CNOT6: variants seen among roughly 807,000 people sequenced by gnomAD.
CNOT6 encodes CCR4-NOT transcription complex subunit 6, also known as carbon catabolite repression 4 protein.
In CNOT6, 12 loss-of-function variants were observed where a neutral mutation model predicts 61.2. The ratio of observed to expected loss-of-function variants is 0.20; its 90% confidence interval spans 0.13 to 0.32. CNOT6 has a LOEUF of 0.32. CNOT6 is among the 10% of genes least tolerant of loss of function. The pLI is 1.00. For missense variants in CNOT6, 405 were observed against 663.9 expected, an observed-to-expected ratio of 0.61 and a Z score of 4.28; for synonymous variants, 225 against 240.6, an observed-to-expected ratio of 0.94 and a Z score of 0.60.
At chr5:180,511,580 C>T (rs1329583138) in intron 1 of CNOT6, among the ~76,000 whole-genome samples, 1 of 152,000 alleles carries the variant, frequency 6.6e-6, no homozygotes, top group Non-Finnish European at 1.5e-5. Context: ...CACTGCATTC[C>T]AGGCTGAGTG....
At position 180,550,472 on chromosome 5, in the gene CNOT6, C is replaced by G. The variant is rs574115997; in HGVS notation, c.299+355C>G. ...CTCAAAAAAAACAAAAACAAAAAAA[C>G]ATTTGTTGTGTTAGGAAACAAAACT... On this transcript the variant is annotated intron_variant, in intron 3 of 11. Coordinates refer to ENST00000261951, the MANE Select transcript of CNOT6 (RefSeq NM_001370472.1). Among the ~76,000 whole-genome samples, 103 of 151,966 alleles carry G rather than the reference C, an allele frequency of 6.8e-4. 1 individual carries two copies. Among genetic ancestry groups the G allele is most frequent in the Non-Finnish European group, 1.1e-3 (77 of 67,966 alleles).
chr5:180,515,735 G>A (rs566972834), intron 1 of CNOT6, among the ~76,000 whole-genome samples: 3 of 152,114 alleles, frequency 2.0e-5, no homozygotes, highest in African/African-American at 7.2e-5. Context: ...AAAAAAAAGG[G>A]GGTCTTTCTG....
At position 180,499,957 on chromosome 5, in the gene CNOT6, C is replaced by T. The variant is rs147727324; in HGVS notation, c.-3+5194C>T. Among the ~76,000 whole-genome samples the T allele has an allele frequency of 5.5e-3, 831 of 152,178 alleles. 11 individuals carry two copies. Among genetic ancestry groups the T allele is most frequent in the African/African-American group, 0.019 (779 of 41,498 alleles). Reference sequence around the variant, plus strand: ...TCATGTATTTCTACACAGTTCAGTTCGGCTGGGTGCAAGCTTTCTCCCTTC... The same window carrying T: ...TCATGTATTTCTACACAGTTCAGTTTGGCTGGGTGCAAGCTTTCTCCCTTC... On this transcript the variant is annotated intron_variant, in intron 1 of 11. Transcript: ENST00000261951.
chr5:180,531,741 G>A (rs1035229113), intron 2 of CNOT6, among the ~76,000 whole-genome samples: 7 of 152,238 alleles, frequency 4.6e-5, no homozygotes, highest in East Asian at 1.9e-4. Context: ...CCGGCACCTC[G>A]GGAGGCCGAG....
At chr5:180,513,930 C>G (rs1288935443) in intron 1 of CNOT6, among the ~76,000 whole-genome samples, 1 of 151,776 alleles carries the variant, frequency 6.6e-6, no homozygotes, top group African/African-American at 2.4e-5. Flanking sequence ...TCTCGATCTC[C>G]TGACCTCATG....
rs757061996 is a variant in CNOT6 at position 180,574,113 on chromosome 5, T to C, written c.1587T>C (p.Ser529=). 1 of 1,614,144 alleles carries C rather than the reference T, an allele frequency of 6.2e-7. No individual in the cohort carries two copies. Among genetic ancestry groups the C allele is most frequent in the South Asian group, 1.1e-5 (1 of 91,076 alleles). ...GCTGCCCGCACCCCCTCATCCCCTC[T>C]GACCACTTCTCACTTTTTGCACAAC... The part of the protein sequence containing the change: ...ISGCPHPLIP[S]DHFSLFAQLE... The change falls in exon 12 of 12, where the codon TCT becomes TCC. Residue 529 remains serine (S), a synonymous_variant. Transcript: ENST00000261951.
chr5:180,527,393 C>T (rs540727285), intron 1 of CNOT6, among the ~76,000 whole-genome samples: 7 of 152,200 alleles, frequency 4.6e-5, no homozygotes, highest in Admixed American at 3.9e-4. Context: ...CTGTATTCTG[C>T]GTCTGGATGT....
intron 10 of CNOT6, among the ~76,000 whole-genome samples, chr5:180,570,594 C>T (rs1760698961): frequency 6.6e-6 from 1 of 152,112 alleles, no homozygotes; most frequent in African/African-American, 2.4e-5. Flanking sequence ...CATTAATATC[C>T]AAGACCCATT....
intron 1 of CNOT6, among the ~76,000 whole-genome samples, chr5:180,529,033 A>G (rs1758224261): frequency 6.6e-6 from 1 of 151,718 alleles, no homozygotes; most frequent in Non-Finnish European, 1.5e-5. Context: ...ATATGGTGAA[A>G]CCCCGTCTGT....
chr5:180,558,962 T>C (rs34327222), intron 4 of CNOT6, among the ~76,000 whole-genome samples: 24,660 of 152,124 alleles, frequency 0.16, 2,140 homozygotes, highest in Non-Finnish European at 0.19. Flanking sequence ...TTAATATGAT[T>C]TCAGTGTGGT....
At chr5:180,543,099 C>T (rs1759128545) in intron 2 of CNOT6, among the ~76,000 whole-genome samples, 1 of 152,052 alleles carries the variant, frequency 6.6e-6, no homozygotes, top group Non-Finnish European at 1.5e-5. Flanking sequence ...CACTCTGCCG[C>T]CCAGGTTGGA....
Position 180,576,147 on chromosome 5 carries a change from T to C in CNOT6, c.*1947T>C, listed in dbSNP as rs942330625. 1 of 143,756 alleles carries C rather than the reference T, an allele frequency of 7.0e-6. No homozygotes were observed. Among genetic ancestry groups the C allele is most frequent in the Non-Finnish European group, 1.6e-5 (1 of 64,156 alleles). The allele number at this position is 143,756 out of a possible 1,614,324, so 8.9% of individuals were successfully genotyped here. ...ACTTTTTATGGGGTTTTGTTATTGG[T>C]TTTTTTTTGTAAAGTGTGAATAAAA... On this transcript the variant is annotated 3_prime_UTR_variant, in exon 12 of 12. Transcript: ENST00000261951.
chr5:180,516,262 C>G (rs1757633647), intron 1 of CNOT6, among the ~76,000 whole-genome samples: 7 of 149,870 alleles, frequency 4.7e-5, no homozygotes, highest in Admixed American at 4.0e-4. Flanking sequence ...CTCACTGAAA[C>G]CTCCGCCTCC....
At chr5:180,566,144 A>G (rs960346160) in intron 7 of CNOT6, among the ~76,000 whole-genome samples, 167 bp downstream of exon 7, 29 of 152,236 alleles carry the variant, frequency 1.9e-4, no homozygotes, top group South Asian at 8.3e-4. Flanking sequence ...TTGCAGTGCT[A>G]TGTTGCAAAA....
At chr5:180,523,452 A>AT (rs36004666) in intron 1 of CNOT6, among the ~76,000 whole-genome samples, 29,198 of 151,956 alleles carry the variant, frequency 0.19, 2,888 homozygotes, top group Non-Finnish European at 0.22. Flanking sequence ...ATTGTCCCTA[A>AT]TTTCACTGAA....
At chr5:180,505,248 T>TTAA (rs1289103864) in intron 1 of CNOT6, among the ~76,000 whole-genome samples, 1 of 125,868 alleles carries the variant, frequency 7.9e-6, no homozygotes, top group Non-Finnish European at 1.6e-5. Flanking sequence ...GCGGTAATAG[T>TTAA]TAATTTTTTT....
intron 1 of CNOT6, chr5:180,495,613 C>T (rs764716014): frequency 6.6e-6 from 1 of 152,216 alleles, no homozygotes; most frequent in Non-Finnish European, 1.5e-5. Context: ...TTTAGATAAT[C>T]TGCTTCAATT....
In CNOT6 at chr5:180,577,983, G is replaced by A. The variant is rs1022390531; in HGVS notation, c.*3783G>A. The stretch of plus-strand genomic sequence containing the variant: ...TATCTGTTTCAAATATTTTAGAAGT[G>A]TAGTTTGTATAGCTGTAGTACTGAG... On this transcript the variant is annotated 3_prime_UTR_variant, in exon 12 of 12. Coordinates refer to ENST00000261951, the MANE Select transcript of CNOT6 (RefSeq NM_001370472.1). 3 of 152,598 alleles carry A rather than the reference G, an allele frequency of 2.0e-5. No homozygotes were observed. The highest frequency in any genetic ancestry group is 4.4e-5 in the Non-Finnish European group (3 of 68,028). 9.5% of individuals were successfully genotyped at this position (152,598 alleles called of 1,614,324 possible). A position where few individuals can be genotyped will look rare whatever the true frequency, so the allele number is the denominator to read the frequency against.
intron 1 of CNOT6, among the ~76,000 whole-genome samples, chr5:180,511,773 A>G (rs1284330436): frequency 1.3e-5 from 2 of 151,994 alleles, no homozygotes; most frequent in African/African-American, 4.8e-5. Context: ...ATCTGAAAAA[A>G]AAAATAATTT....
Sources: gnomAD v4.1 joint callset for allele counts (sites outside exome capture counted in the v4.1 genomes callset) on GRCh38, gnomAD v4.1.1 for gene constraint, MANE v1.5 for transcripts, NCBI Gene and HGNC (gene_info 2026-07-23, HGNC 2026-07-21) for gene names.